EGFL7: variants seen among roughly 807,000 people sequenced by gnomAD.
EGFL7 encodes epidermal growth factor-like protein 7.
Under a neutral mutation model 37.1 loss-of-function variants are expected in EGFL7, and 48 were observed. The observed-to-expected ratio is 1.29, with a 90% CI of 1.03 to 1.65. The LOEUF is 1.65. Among genes scored for constraint, EGFL7 ranks in the 40% most tolerant of loss-of-function variants. EGFL7 has a pLI of 0.00. For missense variants in EGFL7, 384 were observed against 378.9 expected, an observed-to-expected ratio of 1.01 and a Z score of -0.11; for synonymous variants, 180 against 156.8, an observed-to-expected ratio of 1.15 and a Z score of -1.10.
At chr9:136,670,133 C>A (rs376019212) in intron 7 of EGFL7, 36 bp from the exon 8 acceptor site, 2 of 1,612,088 alleles carry the variant, frequency 1.2e-6, no homozygotes, top group Non-Finnish European at 1.7e-6. Flanking sequence ...GGACCCCTCC[C>A]GCAGGCATGG....
upstream of EGFL7, among the ~76,000 whole-genome samples, chr9:136,662,407 G>C (rs7034309): frequency 6.6e-6 from 1 of 152,148 alleles, no homozygotes; most frequent in Non-Finnish European, 1.5e-5. Flanking sequence ...CCTTCCTGCC[G>C]GGCCTCGCCA....
rs1295042361 is a variant in EGFL7, at chr9:136,671,878, A to C, written c.637-48A>C. ...GGTCCTCCCTAGACCCCGGTGGAGC[A>C]GAGAGGGCGGGGGCCGGCCCAGGGT... On this transcript the variant is annotated intron_variant, in intron 9 of 10. Transcript: ENST00000308874. 3 of 1,443,818 alleles carry C rather than the reference A, an allele frequency of 2.1e-6. No individual in the cohort carries two copies. The South Asian group carries it at 4.3e-5, about 21-fold the overall frequency. 89.4% of individuals were successfully genotyped at this position (1,443,818 alleles called of 1,614,324 possible).
upstream of EGFL7, among the ~76,000 whole-genome samples, chr9:136,662,366 G>A (rs1042794812): frequency 9.9e-5 from 15 of 152,110 alleles, no homozygotes; most frequent in South Asian, 1.9e-3. Flanking sequence ...GGCTGTTCTC[G>A]GACCGCTCAG....
upstream of EGFL7, among the ~76,000 whole-genome samples, chr9:136,661,711 G>A (rs1177579235): frequency 2.0e-5 from 3 of 152,170 alleles, no homozygotes; most frequent in Admixed American, 6.5e-5. Flanking sequence ...AGGGGGAGGC[G>A]CATCGCGTGT....
intron 2 of EGFL7, among the ~76,000 whole-genome samples, chr9:136,664,218 T>C (rs1845321554): frequency 6.6e-6 from 1 of 152,148 alleles, no homozygotes; most frequent in African/African-American, 2.4e-5. Context: ...GCCAGGGGCT[T>C]CCAGGGCCCC....
At chr9:136,668,424 T>C in intron 4 of EGFL7, 62 bp downstream of exon 4, 2 of 1,522,182 alleles carry the variant, frequency 1.3e-6, no homozygotes. Context: ...CAGCACCTCC[T>C]AGAGGCGGCC....
At chr9:136,660,587 G>A (rs1405439070), upstream of EGFL7, among the ~76,000 whole-genome samples, 2 of 152,162 alleles carry the variant, frequency 1.3e-5, no homozygotes, top group South Asian at 2.1e-4. Context: ...AGCCTGGGGA[G>A]GACGCAGACT....
At chr9:136,668,793 A>G in intron 5 of EGFL7, 120 bp downstream of exon 5, 1 of 937,524 alleles carries the variant, frequency 1.1e-6, no homozygotes, top group Non-Finnish European at 1.7e-6. Context: ...CTGAGGCCAG[A>G]GCCATGAGAG....
chr9:136,671,675 G>A (rs1391275621), intron 9 of EGFL7, among the ~76,000 whole-genome samples: 1 of 152,048 alleles, frequency 6.6e-6, no homozygotes, highest in Non-Finnish European at 1.5e-5. Context: ...CTGGCCAGTG[G>A]TCCAGCTGTC....
Position 136,670,929 on chromosome 9 carries a change from A to T in EGFL7, c.572-21A>T, listed in dbSNP as rs1845815052. 8 of 1,501,888 alleles carry T rather than the reference A, an allele frequency of 5.3e-6. No homozygotes were observed. In the East Asian group the frequency reaches 2.9e-4, roughly 55 times the overall value. The allele number at this position is 1,501,888 out of a possible 1,614,324, so 93.0% of individuals were successfully genotyped here. On this transcript the variant is annotated intron_variant, in intron 8 of 10. Coordinates refer to ENST00000308874, the MANE Select transcript of EGFL7 (RefSeq NM_016215.5). ...GTGGGGAGCCGGCCGGCCGTGACCC[A>T]GCGCCTGGCTCTGCCCGCAGGAGTG...
intron 9 of EGFL7, 41 bp from the exon 10 acceptor site, chr9:136,671,885 G>A (rs1845930615): frequency 6.9e-7 from 1 of 1,456,844 alleles, no homozygotes; most frequent in Non-Finnish European, 9.0e-7. Context: ...AGCAGAGAGG[G>A]CGGGGGCCGG....
At chr9:136,669,206 C>A (rs1288033472) in intron 5 of EGFL7, among the ~76,000 whole-genome samples, 7 of 152,222 alleles carry the variant, frequency 4.6e-5, no homozygotes, top group Admixed American at 3.9e-4. Flanking sequence ...GGGGGAGGGG[C>A]CTGGGAATTC....
chr9:136,671,886 C>G (rs181470958), intron 9 of EGFL7, 40 bp from the exon 10 acceptor site: 3 of 1,456,316 alleles, frequency 2.1e-6, no homozygotes, highest in Non-Finnish European at 2.7e-6. Flanking sequence ...GCAGAGAGGG[C>G]GGGGGCCGGC....
rs949563484 is a variant in EGFL7, at chr9:136,672,487, A to G, written c.*201A>G. 4.5e-6 allele frequency: 3 copies of G among 661,508 alleles called. No homozygotes were observed. The highest frequency in any genetic ancestry group is 7.7e-6 in the Non-Finnish European group (3 of 389,994). 41.0% of individuals were successfully genotyped at this position (661,508 alleles called of 1,614,324 possible). A position where few individuals can be genotyped will look rare whatever the true frequency, so the allele number is the denominator to read the frequency against. ...GGATGGGCTGGGATCTTCTCTGTGAATCCACCCCTGGCTACCCCCACCCTG... is the reference window on the plus strand; with the variant it reads ...GGATGGGCTGGGATCTTCTCTGTGAGTCCACCCCTGGCTACCCCCACCCTG... On this transcript the variant is annotated 3_prime_UTR_variant, in exon 11 of 11. Transcript: ENST00000308874.
At chr9:136,669,478 C>G in intron 5 of EGFL7, 128 bp from the exon 6 acceptor site, 1 of 672,496 alleles carries the variant, frequency 1.5e-6, no homozygotes. Flanking sequence ...CAGTGCCATC[C>G]CTTGAGGAGA....
upstream of EGFL7, among the ~76,000 whole-genome samples, chr9:136,662,611 G>C (rs562212077): frequency 1.9e-4 from 29 of 152,296 alleles, no homozygotes; most frequent in Admixed American, 1.7e-3. Context: ...CCACGGTCCT[G>C]GGAGGGCCCT....
At chr9:136,660,016 A>T (rs1473227520), upstream of EGFL7, among the ~76,000 whole-genome samples, 1 of 152,084 alleles carries the variant, frequency 6.6e-6, no homozygotes, top group Non-Finnish European at 1.5e-5. Flanking sequence ...TCCCAAAATG[A>T]TTCCCTGCTG....
Position 136,666,919 on chromosome 9 carries a change from G to A in EGFL7, c.-42-1322G>A, listed in dbSNP as rs1845517313. Among the ~76,000 whole-genome samples the A allele has an allele frequency of 6.6e-6, 1 of 150,408 alleles. No homozygotes were observed. Among genetic ancestry groups the A allele is most frequent in the South Asian group, 2.1e-4 (1 of 4,774 alleles). On this transcript the variant is annotated intron_variant, in intron 3 of 10. Coordinates refer to ENST00000308874, the MANE Select transcript of EGFL7 (RefSeq NM_016215.5). The surrounding 1 kb of genome is among the most constrained non-coding windows in gnomAD (Gnocchi z 6.8). Reference sequence around the variant, plus strand: ...CAAAAACTGCTGTGATGCCCCCCCTGCCCCCAAGCTAAGTCCCCACCCCTC... The same window carrying A: ...CAAAAACTGCTGTGATGCCCCCCCTACCCCCAAGCTAAGTCCCCACCCCTC...
At position 136,672,628 on chromosome 9, in the gene EGFL7, C is replaced by A. The variant is rs1845993367; in HGVS notation, c.*342C>A. 4 of 464,156 alleles carry A rather than the reference C, an allele frequency of 8.6e-6. No individual in the cohort carries two copies. Among genetic ancestry groups the A allele is most frequent in the Non-Finnish European group, 1.2e-5 (3 of 257,020 alleles). 28.8% of individuals were successfully genotyped at this position (464,156 alleles called of 1,614,324 possible). A position where few individuals can be genotyped will look rare whatever the true frequency, so the allele number is the denominator to read the frequency against. On this transcript the variant is annotated 3_prime_UTR_variant, in exon 11 of 11. Transcript: ENST00000308874. ...CAGGCAGCCCGGAGGCTGGGTGGGGCCTCAGTGGGGGCTGCTGCCTGACCC... is the reference window on the plus strand; with the variant it reads ...CAGGCAGCCCGGAGGCTGGGTGGGGACTCAGTGGGGGCTGCTGCCTGACCC...
Sources: allele counts gnomAD v4.1 joint callset (sites outside exome capture counted in the v4.1 genomes callset), GRCh38; gene constraint gnomAD v4.1.1; non-coding constraint Gnocchi (gnomAD v3.1); transcripts MANE v1.5; gene names NCBI Gene and HGNC (gene_info 2026-07-23, HGNC 2026-07-21).